Variants in FAM131A observed in about 807,000 individuals in gnomAD.
FAM131A encodes the protein protein FAM131A.
In FAM131A, 24 loss-of-function variants were observed where a neutral mutation model predicts 39.2. The observed-to-expected ratio is 0.61, with a 90% confidence interval of 0.44 to 0.86. The LOEUF (loss-of-function observed/expected upper bound fraction) is 0.86. Among genes scored for constraint, FAM131A ranks in the 40% least tolerant of loss-of-function variants. The probability of loss-of-function intolerance (pLI) is 0.00; values close to 1 mark genes in which losing one functional copy is unlikely to be tolerated. For missense variants in FAM131A, 373 were observed against 481.2 expected (o/e 0.78, Z 2.10); for synonymous variants, 202 against 206.8 (o/e 0.98, Z 0.20).
At chr3:184,341,038 C>G (rs1300363366) in intron 2 of FAM131A, 1 of 153,786 alleles carries the variant, frequency 6.5e-6, no homozygotes, top group Non-Finnish European at 1.4e-5. Context: ...CCACTTCTGC[C>G]GACCTGGGCA....
chr3:184,337,564 G>A, upstream of FAM131A: 2 of 1,458,886 alleles, frequency 1.4e-6, no homozygotes, highest in South Asian at 2.4e-5. Flanking sequence ...GCCAAAACAG[G>A]AATAGAACTG....
chr3:184,342,964 A>T lies in FAM131A; in HGVS notation c.625+104A>T. The stretch of plus-strand genomic sequence containing the variant: ...ACTCTCAGCCTTTGCAAGGGGAGGG[A>T]GAGGGACAGACTCAGTCCAGGCAGG... On this transcript the variant is annotated intron_variant, in intron 5 of 5. Coordinates refer to ENST00000383847, the MANE Select transcript of FAM131A (RefSeq NM_144635.5). This position sits in a 1 kb window ranked among gnomAD's most constrained non-coding sequence, Gnocchi z 4.6. The T allele has an allele frequency of 1.0e-6, 1 of 997,824 alleles. No individual in the cohort carries two copies. The allele number at this position is 997,824 out of a possible 1,614,324, so 61.8% of individuals were successfully genotyped here. A position where few individuals can be genotyped will look rare whatever the true frequency, so the allele number is the denominator to read the frequency against.
rs1560244393 is a variant in FAM131A, at chr3:184,344,513, C to T, written c.644C>T (p.Pro215Leu). Residue 215 changes from proline to leucine, a missense_variant, in exon 6 of 6, where the codon CCC becomes CTC. Pro to Leu is a moderately conservative substitution (Grantham distance 98). Transcript: ENST00000383847. ...CTCACAGACATGGCTGGGCAGCTGCCCCTGGGGCCGCACCTCCAGGACCTG... is the reference window on the plus strand; with the variant it reads ...CTCACAGACATGGCTGGGCAGCTGCTCCTGGGGCCGCACCTCCAGGACCTG... ...GMDTDMAGQL[P>L]LGPHLQDLFT... 7.2e-6 allele frequency: 11 copies of T among 1,532,972 alleles called. No individual in the cohort carries two copies. Among genetic ancestry groups the T allele is most frequent in the Non-Finnish European group, 9.6e-6 (11 of 1,140,052 alleles). The allele number at this position is 1,532,972 out of a possible 1,614,324, so 95.0% of individuals were successfully genotyped here.
rs373533464 is a variant in FAM131A, at chr3:184,344,596, G to A, written c.727G>A (p.Asp243Asn). ...CCAGGGCTCCGTGGAGCCTGAGAGCGACTGCTCACAGACCGTGTCCCCAGA... is the reference window on the plus strand; with the variant it reads ...CCAGGGCTCCGTGGAGCCTGAGAGCAACTGCTCACAGACCGTGTCCCCAGA... ...VRQGSVEPESDCSQTVSPDTL... is the reference protein window; with the variant it reads ...VRQGSVEPESNCSQTVSPDTL... The change falls in exon 6 of 6, where the codon GAC becomes AAC. Residue 243 changes from aspartate (D) to asparagine (N), a missense_variant. Transcript: ENST00000383847. The A allele has an allele frequency of 6.8e-6, 11 of 1,612,296 alleles. No homozygotes were observed. Among genetic ancestry groups the A allele is most frequent in the East Asian group, 2.2e-5 (1 of 44,860 alleles).
intron 5 of FAM131A, among the ~76,000 whole-genome samples, chr3:184,343,742 GATA>G (rs1727484799): frequency 6.6e-6 from 1 of 152,236 alleles, no homozygotes; most frequent in African/African-American, 2.4e-5. Flanking sequence ...CTGGGGTAAT[GATA>G]ATAACTAACA....
Position 184,341,710 on chromosome 3 carries a change from T to A in FAM131A, c.232-14T>A. 1 of 1,602,842 alleles carries A rather than the reference T, an allele frequency of 6.2e-7. No individual in the cohort carries two copies. Among genetic ancestry groups the A allele is most frequent in the Non-Finnish European group, 8.5e-7 (1 of 1,179,248 alleles). On this transcript the variant is annotated splice_polypyrimidine_tract_variant and intron_variant, in intron 2 of 5. Transcript: ENST00000383847. ...TGTCAGAGGGGCACTGACTTTCTAA[T>A]GGTGTTACCCAAGGTGAATGTTGGA...
At chr3:184,338,681 C>G (rs1459156672) in intron 2 of FAM131A, 152 bp downstream of exon 2, 1 of 957,854 alleles carries the variant, frequency 1.0e-6, no homozygotes, top group Admixed American at 2.9e-5. Context: ...CGCCCCCGTG[C>G]CGGTCTGCTC....
At chr3:184,337,856 A>T in intron 1 of FAM131A, 138 bp downstream of exon 1, 1 of 813,322 alleles carries the variant, frequency 1.2e-6, no homozygotes, top group East Asian at 2.7e-5. Context: ...CTGGGGCCAG[A>T]CAGGGCATCA....
rs1462337449 is a variant in FAM131A, at chr3:184,342,054, C to T, written c.326-12C>T. The T allele has an allele frequency of 6.2e-7, 1 of 1,614,212 alleles. No individual in the cohort carries two copies. The highest frequency in any genetic ancestry group is 1.1e-5 in the South Asian group (1 of 91,088). On this transcript the variant is annotated splice_polypyrimidine_tract_variant and intron_variant, in intron 3 of 5. Coordinates refer to ENST00000383847, the MANE Select transcript of FAM131A (RefSeq NM_144635.5). The surrounding 1 kb of genome is among the most constrained non-coding windows in gnomAD (Gnocchi z 4.6). ...TCCTTTACCAGGCTTCTCCACCCTC[C>T]CCTATCTCCAGGTATTTCCCAGGTG...
In FAM131A at chr3:184,345,022, G is replaced by A. The variant is rs1013935841; in HGVS notation, c.*52G>A. The A allele has an allele frequency of 6.4e-5, 92 of 1,441,900 alleles. No homozygotes were observed. Among genetic ancestry groups the A allele is most frequent in the Middle Eastern group, 1.8e-4 (1 of 5,514 alleles). The allele number at this position is 1,441,900 out of a possible 1,614,324, so 89.3% of individuals were successfully genotyped here. A position where few individuals can be genotyped will look rare whatever the true frequency, so the allele number is the denominator to read the frequency against. On this transcript the variant is annotated 3_prime_UTR_variant, in exon 6 of 6. Coordinates refer to ENST00000383847, the MANE Select transcript of FAM131A (RefSeq NM_144635.5). ...CATCCCCCGGCTGCTGCCAGGGGCA[G>A]AGCCTCTGTGCCCAAGTGTGGGCTC...
intron 2 of FAM131A, 79 bp downstream of exon 2, chr3:184,338,608 C>T: frequency 6.7e-7 from 1 of 1,490,312 alleles, no homozygotes; most frequent in Non-Finnish European, 8.9e-7. Flanking sequence ...CACGCCTGGC[C>T]AGCCAGCTTC....
chr3:184,339,572 T>A (rs1029770053), intron 2 of FAM131A: 1 of 152,374 alleles, frequency 6.6e-6, no homozygotes, highest in African/African-American at 2.4e-5. Context: ...GCGATTATCC[T>A]GCCTCAGCCT....
chr3:184,338,864 C>A, intron 2 of FAM131A: 1 of 234,982 alleles, frequency 4.3e-6, no homozygotes, highest in Non-Finnish European at 8.4e-6. Context: ...CGGATGGCGG[C>A]GGCTGAGGGG....
In FAM131A at chr3:184,338,414, A is replaced by C; in HGVS notation, c.116A>C (p.Glu39Ala). 3 of 1,480,374 alleles carry C rather than the reference A, an allele frequency of 2.0e-6. No homozygotes were observed. The highest frequency in any genetic ancestry group is 2.7e-6 in the Non-Finnish European group (3 of 1,118,728). 91.7% of individuals were successfully genotyped at this position (1,480,374 alleles called of 1,614,324 possible). Residue 39 changes from glutamate to alanine, a missense_variant, in exon 2 of 6, where the codon GAG becomes GCG. Physicochemically the swap from Glu to Ala is moderately radical, Grantham distance 107. Transcript: ENST00000383847. ...RVSSDPAWAV[E>A]WIELPRGLSL... ...TCCTCGGACCCCGCTTGGGCTGTGG[A>C]GTGGATCGAACTTCCTCGGGGTCTC...
intron 2 of FAM131A, chr3:184,339,662 G>T (rs1056456242): frequency 6.6e-6 from 1 of 152,190 alleles, no homozygotes; most frequent in Non-Finnish European, 1.5e-5. Flanking sequence ...GTTTCACCAT[G>T]TTGGCCAGGC....
intron 2 of FAM131A, 146 bp from the exon 3 acceptor site, chr3:184,341,578 C>T (rs758675602): frequency 5.0e-4 from 327 of 656,540 alleles, no homozygotes; most frequent in Non-Finnish European, 7.0e-4. Context: ...TTCTTATCAT[C>T]TTACATTTCC....
chr3:184,342,046 C>T lies in FAM131A; in HGVS notation c.326-20C>T. ...TGGCCTGGTCCTTTACCAGGCTTCT[C>T]CACCCTCCCCTATCTCCAGGTATTT... On this transcript the variant is annotated intron_variant, in intron 3 of 5. Coordinates refer to ENST00000383847, the MANE Select transcript of FAM131A (RefSeq NM_144635.5). This position sits in a 1 kb window ranked among gnomAD's most constrained non-coding sequence, Gnocchi z 4.6. The T allele has an allele frequency of 6.2e-7, 1 of 1,614,212 alleles. No homozygotes were observed. The highest frequency in any genetic ancestry group is 1.1e-5 in the South Asian group (1 of 91,088).
In FAM131A at chr3:184,342,363, A is replaced by G; in HGVS notation, c.508+115A>G. The G allele has an allele frequency of 7.8e-7, 1 of 1,277,410 alleles. No homozygotes were observed. The highest frequency in any genetic ancestry group is 1.0e-6 in the Non-Finnish European group (1 of 955,406). The allele number at this position is 1,277,410 out of a possible 1,614,324, so 79.1% of individuals were successfully genotyped here. ...CACTCTGTCGCCCAGGCTGGAGTGC[A>G]GTGATGCAATCTCAGCTCACTGCAA... is the stretch of plus-strand genomic sequence containing the variant. On this transcript the variant is annotated intron_variant, in intron 4 of 5. Coordinates refer to ENST00000383847, the MANE Select transcript of FAM131A (RefSeq NM_144635.5). The surrounding 1 kb of genome is among the most constrained non-coding windows in gnomAD (Gnocchi z 4.6).
chr3:184,344,264 C>T (rs1727509472), intron 5 of FAM131A, among the ~76,000 whole-genome samples: 1 of 152,188 alleles, frequency 6.6e-6, no homozygotes, highest in Non-Finnish European at 1.5e-5. Context: ...GGATTACAGG[C>T]GTGAGCCACC....
Sources: gnomAD v4.1 joint callset for allele counts (sites outside exome capture counted in the v4.1 genomes callset) on GRCh38, gnomAD v4.1.1 for gene constraint, Gnocchi (gnomAD v3.1) non-coding constraint, MANE v1.5 for transcripts, NCBI Gene and HGNC (gene_info 2026-07-23, HGNC 2026-07-21) for gene names.